KIF26B: variants seen among roughly 807,000 people sequenced by gnomAD.
KIF26B encodes kinesin-like protein KIF26B.
KIF26B carries 63 observed loss-of-function variants against 151.2 expected under a neutral mutation model. That is an observed-to-expected ratio of 0.42 (90% CI 0.34 to 0.51). The LOEUF (loss-of-function observed/expected upper bound fraction) is 0.51, where lower values mean the gene tolerates loss of function less well. KIF26B is among the 20% of genes least tolerant of loss of function. The pLI, the probability that KIF26B is intolerant of heterozygous loss-of-function variation, is 0.07. For missense variants in KIF26B, 2,813 were observed against 2,913.6 expected, an observed-to-expected ratio of 0.97 and a Z score of 0.79; for synonymous variants, 1,357 against 1,262.1, an observed-to-expected ratio of 1.08 and a Z score of -1.59.
chr1:245,541,650 G>A (rs1661625297), intron 5 of KIF26B, among the ~76,000 whole-genome samples: 3 of 152,220 alleles, frequency 2.0e-5, no homozygotes, highest in African/African-American at 7.2e-5. Context: ...AAAGAAAGAC[G>A]TGGCGGTTTA....
At chr1:245,416,280 C>CA (rs34744401) in intron 3 of KIF26B, among the ~76,000 whole-genome samples, 2,097 of 51,298 alleles carry the variant, frequency 0.041, 56 homozygotes, top group East Asian at 0.093. Flanking sequence ...AACTCTGTCT[C>CA]AAAAAAAAAA....
In KIF26B at chr1:245,457,633, C is replaced by T. The variant is rs556705260; in HGVS notation, c.1166+37888C>T. Among the ~76,000 whole-genome samples, 6 of 152,246 alleles carry T rather than the reference C, an allele frequency of 3.9e-5. 1 individual carries two copies. The highest frequency in any genetic ancestry group is 1.2e-4 in the African/African-American group (5 of 41,556). On this transcript the variant is annotated intron_variant, in intron 4 of 14. Transcript: ENST00000407071. ...GGTGGCTTTGATTTTGAATATGGTG[C>T]TTATCATCTGAGTGTGTGCTTTCAT... is the stretch of plus-strand genomic sequence containing the variant.
intron 5 of KIF26B, among the ~76,000 whole-genome samples, chr1:245,567,077 C>T (rs1473865692): frequency 1.3e-5 from 2 of 152,184 alleles, no homozygotes; most frequent in South Asian, 2.1e-4. Flanking sequence ...ACCCCAGCCG[C>T]GGCCAAGGGT....
intron 3 of KIF26B, among the ~76,000 whole-genome samples, chr1:245,369,409 G>GA (rs1459567808): frequency 6.6e-6 from 1 of 152,230 alleles, no homozygotes; most frequent in Non-Finnish European, 1.5e-5. Context: ...GAGCGTTTGA[G>GA]AGTGTTCATG....
At chr1:245,552,746 C>T (rs1661923576) in intron 5 of KIF26B, among the ~76,000 whole-genome samples, 1 of 151,984 alleles carries the variant, frequency 6.6e-6, no homozygotes, top group Non-Finnish European at 1.5e-5. Flanking sequence ...ATTACAGGCA[C>T]ATGCCACCAC....
At chr1:245,520,643 TCCA>T (rs1661080787) in intron 4 of KIF26B, among the ~76,000 whole-genome samples, 2 of 150,928 alleles carry the variant, frequency 1.3e-5, no homozygotes, top group Non-Finnish European at 3.0e-5. Context: ...CATCCATCCA[TCCA>T]TCCATCCATC....
chr1:245,457,023 G>A (rs893777144), intron 4 of KIF26B, among the ~76,000 whole-genome samples: 1 of 152,084 alleles, frequency 6.6e-6, no homozygotes, highest in African/African-American at 2.4e-5. Flanking sequence ...ATGCTACCAT[G>A]CCCAGCTAAT....
intron 5 of KIF26B, among the ~76,000 whole-genome samples, chr1:245,567,083 A>C (rs2043017972): frequency 6.6e-6 from 1 of 152,184 alleles, no homozygotes; most frequent in Non-Finnish European, 1.5e-5. Flanking sequence ...GCCGCGGCCA[A>C]GGGTCAGAAG....
intron 3 of KIF26B, among the ~76,000 whole-genome samples, chr1:245,384,903 C>T (rs1288916756): frequency 1.3e-5 from 2 of 152,030 alleles, no homozygotes; most frequent in Non-Finnish European, 2.9e-5. Flanking sequence ...TTACATAGTC[C>T]TCAGCCTTAA....
chr1:245,467,373 T>G (rs2103061547), intron 4 of KIF26B, among the ~76,000 whole-genome samples: 1 of 152,298 alleles, frequency 6.6e-6, no homozygotes, highest in Non-Finnish European at 1.5e-5. Flanking sequence ...CTTCATTTCT[T>G]GAAAATTCTG....
In KIF26B at chr1:245,708,826, T is replaced by A. The variant is rs1181570940; in HGVS notation, c.*6220T>A. 6.6e-6 allele frequency: 1 copy of A among 152,208 alleles called. No homozygotes were observed. The highest frequency in any genetic ancestry group is 1.5e-5 in the Non-Finnish European group (1 of 68,036). 9.4% of individuals were successfully genotyped at this position (152,208 alleles called of 1,614,324 possible). ...AATTCCATGATTAGTAATGTATGTA[T>A]GTGTATATAAATATGCTTATCTGTA... is the stretch of plus-strand genomic sequence containing the variant. On this transcript the variant is annotated 3_prime_UTR_variant, in exon 15 of 15. Coordinates refer to ENST00000407071, the MANE Select transcript of KIF26B (RefSeq NM_018012.4).
At chr1:245,485,401 T>TTTA (rs1660257633) in intron 4 of KIF26B, among the ~76,000 whole-genome samples, 2 of 147,292 alleles carry the variant, frequency 1.4e-5, no homozygotes, top group Non-Finnish European at 1.5e-5. Flanking sequence ...TTTTTTTTTT[T>TTTA]GAGACAAAGT....
chr1:245,449,148 G>A (rs555166083), intron 4 of KIF26B, among the ~76,000 whole-genome samples: 57 of 152,326 alleles, frequency 3.7e-4, no homozygotes, highest in Admixed American at 5.9e-4. Flanking sequence ...AGTCTATCAC[G>A]ATAATGGGAA....
chr1:245,695,550 A>G (rs980921412), intron 12 of KIF26B, among the ~76,000 whole-genome samples: 4 of 152,218 alleles, frequency 2.6e-5, no homozygotes, highest in Admixed American at 6.5e-5. Context: ...ATTCGTGTGC[A>G]GGAAAAAGGT....
chr1:245,544,808 A>G (rs1661702020), intron 5 of KIF26B, among the ~76,000 whole-genome samples: 1 of 152,170 alleles, frequency 6.6e-6, no homozygotes, highest in Non-Finnish European at 1.5e-5. Flanking sequence ...GGGGAATAAC[A>G]GCCAAGAATA....
At chr1:245,422,424 A>G (rs1658511425) in intron 4 of KIF26B, among the ~76,000 whole-genome samples, 1 of 152,104 alleles carries the variant, frequency 6.6e-6, no homozygotes, top group South Asian at 2.1e-4. Flanking sequence ...GGGGCACCCA[A>G]AGCAGAAGTG....
chr1:245,213,045 G>C (rs984560687), intron 2 of KIF26B, among the ~76,000 whole-genome samples: 19 of 152,162 alleles, frequency 1.2e-4, no homozygotes, highest in Non-Finnish European at 2.6e-4. Context: ...GCTTTCCAAG[G>C]GGGGAGCAAA....
chr1:245,328,318 G>T (rs1434767264), intron 2 of KIF26B, among the ~76,000 whole-genome samples: 1 of 152,160 alleles, frequency 6.6e-6, no homozygotes, highest in East Asian at 1.9e-4. Flanking sequence ...GTTCGTTGTG[G>T]CCTGCAGTCT....
At chr1:245,168,657 T>C (rs931576989) in intron 2 of KIF26B, among the ~76,000 whole-genome samples, 1 of 152,240 alleles carries the variant, frequency 6.6e-6, no homozygotes, top group Admixed American at 6.5e-5. Flanking sequence ...TTATTCATCA[T>C]TCTTCATCTG....
Sources: gnomAD v4.1 joint callset for allele counts (sites outside exome capture counted in the v4.1 genomes callset) on GRCh38, gnomAD v4.1.1 for gene constraint, MANE v1.5 for transcripts, NCBI Gene and HGNC (gene_info 2026-07-23, HGNC 2026-07-21) for gene names.